Variants in PCDHGA8 observed in about 807,000 individuals in gnomAD.
PCDHGA8 encodes protocadherin gamma-A8.
A neutral mutation model predicts 59.2 loss-of-function variants in PCDHGA8; 45 were observed. That is an observed-to-expected ratio of 0.76 (90% CI 0.60 to 0.98). The LOEUF (loss-of-function observed/expected upper bound fraction) is 0.98, where lower values mean the gene tolerates loss of function less well. PCDHGA8 is among the 50% of genes least tolerant of loss of function. The probability of loss-of-function intolerance (pLI) is 0.00; values close to 1 mark genes in which losing one functional copy is unlikely to be tolerated. For missense variants in PCDHGA8, 1,257 were observed against 1,196.2 expected, an observed-to-expected ratio of 1.05 and a Z score of -0.75; for synonymous variants, 531 against 519.0, an observed-to-expected ratio of 1.02 and a Z score of -0.32.
intron 1 of PCDHGA8, chr5:141,428,630 C>T: frequency 5.4e-6 from 1 of 185,692 alleles, no homozygotes; most frequent in Non-Finnish European, 1.1e-5. Context: ...AGCTCTAACT[C>T]TGTTGCTCCT....
At chr5:141,465,880 TG>T (rs2154569018) in intron 1 of PCDHGA8, among the ~76,000 whole-genome samples, 1 of 152,096 alleles carries the variant, frequency 6.6e-6, no homozygotes, top group East Asian at 1.9e-4. Context: ...CCCAGCACTT[TG>T]GGAGGCCGAG....
intron 1 of PCDHGA8, among the ~76,000 whole-genome samples, chr5:141,459,575 G>T (rs2098970751): frequency 1.3e-5 from 2 of 152,132 alleles, no homozygotes; most frequent in Admixed American, 6.5e-5. Context: ...AAACAGAATT[G>T]TTTTGGGGGT....
At chr5:141,498,967 GGGAGGGAAGGAAGGAAGGAA>G (rs1464205074) in intron 2 of PCDHGA8, among the ~76,000 whole-genome samples, 5 of 129,584 alleles carry the variant, frequency 3.9e-5, no homozygotes, top group African/African-American at 1.6e-4. Flanking sequence ...GAGGGAGGGA[GGGAGGGAAGGAAGGAAGGAA>G]GGAAGGAAGG....
Position 141,511,656 on chromosome 5 carries a change from C to T in PCDHGA8, c.*483C>T, listed in dbSNP as rs2099883892. On this transcript the variant is annotated 3_prime_UTR_variant, in exon 4 of 4. Transcript: ENST00000398604. ...GGGCATCATGACCTCTTGGCCTCTC[C>T]TTTGATTCTCAATCTTCCCCCAAAG... is the stretch of plus-strand genomic sequence containing the variant. 4.9e-6 allele frequency: 1 copy of T among 206,024 alleles called. No individual in the cohort carries two copies. The highest frequency in any genetic ancestry group is 5.2e-5 in the Admixed American group (1 of 19,114). 12.8% of individuals were successfully genotyped at this position (206,024 alleles called of 1,614,324 possible).
At chr5:141,466,280 C>T (rs1181499549) in intron 1 of PCDHGA8, among the ~76,000 whole-genome samples, 1 of 152,142 alleles carries the variant, frequency 6.6e-6, no homozygotes, top group Admixed American at 6.6e-5. Flanking sequence ...AAGCAATCTT[C>T]CCACCTCAGG....
intron 1 of PCDHGA8, chr5:141,478,323 G>T (rs1234175290): frequency 1.2e-6 from 2 of 1,613,958 alleles, no homozygotes; most frequent in African/African-American, 2.7e-5. Context: ...TCACTGTACC[G>T]AACACCAGGG....
In PCDHGA8 at chr5:141,393,324, C is replaced by T; in HGVS notation, c.511C>T (p.Gln171Ter). ...DVGVNSLQSY[Q>*]LSPNHHFSLD... ...GGGCGTGAACTCCCTCCAGAGCTAC[C>T]AGCTCAGCCCCAATCACCACTTCTC... Residue 171 changes from glutamine to a stop codon, truncating the protein, a stop_gained, in exon 1 of 4, where the codon CAG becomes TAG. Transcript: ENST00000398604. LOFTEE classifies it high-confidence loss of function. 6.2e-7 allele frequency: 1 copy of T among 1,611,210 alleles called. No homozygotes were observed. Among genetic ancestry groups the T allele is most frequent in the Admixed American group, 1.7e-5 (1 of 59,726 alleles).
chr5:141,419,196 A>G (rs2096342064), intron 1 of PCDHGA8: 1 of 1,613,994 alleles, frequency 6.2e-7, no homozygotes, highest in Middle Eastern at 1.6e-4. Context: ...ACTGACGTCA[A>G]TGACAACGCG....
At chr5:141,428,070 T>G (rs756684090) in intron 1 of PCDHGA8, 7 of 1,609,106 alleles carry the variant, frequency 4.4e-6, no homozygotes, top group Non-Finnish European at 5.1e-6. Context: ...GGACGCAGAT[T>G]CGGGACACAA....
intron 1 of PCDHGA8, chr5:141,423,752 G>GC: frequency 1.6e-6 from 1 of 644,956 alleles, no homozygotes; most frequent in East Asian, 1.1e-4. Context: ...AAACTGTTTG[G>GC]GGGGGGGGTG....
chr5:141,428,618 T>G (rs554092834), intron 1 of PCDHGA8: 12 of 206,130 alleles, frequency 5.8e-5, no homozygotes, highest in Admixed American at 2.6e-4. Context: ...AATAACAAGA[T>G]AAGCTCTAAC....
intron 1 of PCDHGA8, among the ~76,000 whole-genome samples, chr5:141,457,253 T>C (rs986838327): frequency 1.4e-4 from 22 of 152,196 alleles, no homozygotes; most frequent in Admixed American, 1.4e-3. Flanking sequence ...CTTGCCAACA[T>C]ATAGAATTCC....
In PCDHGA8 at chr5:141,488,647, T is replaced by TG. The variant is rs535492979; in HGVS notation, c.2425-6155dup. ...CTCACCTTAGCAGCATTCAGCAGGA[T>TG]GGGGGAGGGTGGGGGAATACATGGG... On this transcript the variant is annotated intron_variant, in intron 1 of 3. Transcript: ENST00000398604. Among the ~76,000 whole-genome samples, 173 of 152,088 alleles carry TG rather than the reference T, an allele frequency of 1.1e-3. 1 individual carries two copies. Among genetic ancestry groups the TG allele is most frequent in the African/African-American group, 3.9e-3 (160 of 41,492 alleles).
At chr5:141,472,412 G>C (rs1283620276) in intron 1 of PCDHGA8, among the ~76,000 whole-genome samples, 1 of 152,058 alleles carries the variant, frequency 6.6e-6, no homozygotes, top group Non-Finnish European at 1.5e-5. Context: ...GTGGTGGCAC[G>C]CACCTGTATC....
chr5:141,450,052 G>C (rs2098667259), intron 1 of PCDHGA8, among the ~76,000 whole-genome samples: 1 of 141,832 alleles, frequency 7.1e-6, no homozygotes, highest in African/African-American at 2.7e-5. Flanking sequence ...TTTCGCCCAG[G>C]CTGGAATGCA....
intron 2 of PCDHGA8, among the ~76,000 whole-genome samples, chr5:141,503,075 G>C (rs1373753092): frequency 6.6e-6 from 1 of 151,438 alleles, no homozygotes; most frequent in Non-Finnish European, 1.5e-5. Context: ...GAATGGTCTC[G>C]ATCTCCTGAC....
At chr5:141,466,325 C>T (rs1252026939) in intron 1 of PCDHGA8, among the ~76,000 whole-genome samples, 3 of 152,108 alleles carry the variant, frequency 2.0e-5, no homozygotes, top group African/African-American at 7.2e-5. Context: ...CACATGCTAC[C>T]ATGCCTGGAT....
chr5:141,410,251 C>A (rs2095372140), intron 1 of PCDHGA8: 5 of 1,613,898 alleles, frequency 3.1e-6, no homozygotes, highest in African/African-American at 1.3e-5. Context: ...TACTCTCTGA[C>A]CCCCAGGCTG....
chr5:141,434,106 T>C (rs1195019110), intron 1 of PCDHGA8, among the ~76,000 whole-genome samples: 1 of 152,236 alleles, frequency 6.6e-6, no homozygotes, highest in Non-Finnish European at 1.5e-5. Context: ...TGTCCCAGGA[T>C]TGGCCTTTGG....
Sources: gnomAD v4.1 joint callset for allele counts (sites outside exome capture counted in the v4.1 genomes callset) on GRCh38, gnomAD v4.1.1 for gene constraint, MANE v1.5 for transcripts, NCBI Gene and HGNC (gene_info 2026-07-23, HGNC 2026-07-21) for gene names.